The following BABAM2 variants were observed in gnomAD, a reference collection of about 807,000 sequenced individuals.
BABAM2 encodes BRISC and BRCA1-A complex member 2.
Under a neutral mutation model 54.7 loss-of-function variants are expected in BABAM2, and 31 were observed. The observed-to-expected ratio is 0.57, with a 90% CI of 0.43 to 0.77. The LOEUF is 0.77. BABAM2 is among the 30% of genes least tolerant of loss of function. The pLI is 0.00. For missense variants in BABAM2, 364 were observed against 455.8 expected (o/e 0.80, Z 1.83); for synonymous variants, 167 against 162.9 (o/e 1.03, Z -0.19).
chr2:28,216,755 A>G (rs541657352), intron 7 of BABAM2, among the ~76,000 whole-genome samples: 8 of 151,898 alleles, frequency 5.3e-5, no homozygotes, highest in Non-Finnish European at 1.2e-4. Context: ...CAGTTATAAA[A>G]CCCTATCGTG....
At chr2:27,892,743 G>A (rs951185596) in intron 1 of BABAM2, among the ~76,000 whole-genome samples, 2 of 152,232 alleles carry the variant, frequency 1.3e-5, no homozygotes, top group Admixed American at 1.3e-4. Flanking sequence ...GTTTAAAAAA[G>A]TACATGATTT....
intron 4 of BABAM2, among the ~76,000 whole-genome samples, 169 bp from the exon 5 acceptor site, chr2:28,025,057 T>A (rs554732007): frequency 6.6e-6 from 1 of 152,200 alleles, no homozygotes. Flanking sequence ...AAATTGCCAA[T>A]ATCAAAAGAT....
chr2:28,331,550 A>G (rs539599565), intron 11 of BABAM2, among the ~76,000 whole-genome samples: 1 of 152,386 alleles, frequency 6.6e-6, no homozygotes, highest in East Asian at 1.9e-4. Context: ...TATGCAGCCA[A>G]GAAATATATG....
intron 5 of BABAM2, among the ~76,000 whole-genome samples, chr2:28,035,106 T>C (rs1264055505): frequency 6.6e-6 from 1 of 152,210 alleles, no homozygotes; most frequent in African/African-American, 2.4e-5. Flanking sequence ...GTTGATTGCA[T>C]GTGGAAATGC....
chr2:27,920,700 C>T (rs927276432), intron 2 of BABAM2, among the ~76,000 whole-genome samples: 1 of 152,130 alleles, frequency 6.6e-6, no homozygotes, highest in Non-Finnish European at 1.5e-5. Context: ...CTATGTAGGA[C>T]ACATGCCAAA....
intron 4 of BABAM2, among the ~76,000 whole-genome samples, chr2:28,018,221 C>A (rs946939425): frequency 6.6e-6 from 1 of 152,192 alleles, no homozygotes; most frequent in Non-Finnish European, 1.5e-5. Context: ...TTTGTGTCCT[C>A]GTAGCTTAGC....
chr2:28,115,727 C>T (rs1485521322), intron 6 of BABAM2, among the ~76,000 whole-genome samples: 1 of 151,868 alleles, frequency 6.6e-6, no homozygotes, highest in Non-Finnish European at 1.5e-5. Context: ...AGAAGGCGTC[C>T]AGGATTGAGT....
chr2:28,249,177 A>C (rs1049425202), intron 10 of BABAM2, among the ~76,000 whole-genome samples: 1 of 145,320 alleles, frequency 6.9e-6, no homozygotes, highest in East Asian at 2.0e-4. Flanking sequence ...AGCCTCCGCC[A>C]CCTTGAGTTC....
chr2:27,890,502 A>C (rs771142173), upstream of BABAM2: 9 of 634,070 alleles, frequency 1.4e-5, no homozygotes, highest in African/African-American at 3.7e-5. This position sits in a 1 kb window ranked among gnomAD's most constrained non-coding sequence, Gnocchi z 4.8. Context: ...CCGCCCACCA[A>C]GTGTCCCCTC....
Position 28,042,806 on chromosome 2 carries a change from C to T in BABAM2, c.496-2919C>T, listed in dbSNP as rs905701946. Among the ~76,000 whole-genome samples the T allele has an allele frequency of 2.6e-5, 4 of 152,078 alleles. No homozygotes were observed. The East Asian group carries it at 5.9e-4, about 22-fold the overall frequency. Reference sequence around the variant, plus strand: ...TTATAAGGCCGAGATGGGCCGATCACGAGGTCAGGAGATAAAGACCATCCT... The same window carrying T: ...TTATAAGGCCGAGATGGGCCGATCATGAGGTCAGGAGATAAAGACCATCCT... On this transcript the variant is annotated intron_variant, in intron 5 of 11. Coordinates refer to ENST00000379624, the MANE Select transcript of BABAM2 (RefSeq NM_199191.3).
intron 7 of BABAM2, among the ~76,000 whole-genome samples, chr2:28,216,853 C>T (rs11694031): frequency 0.21 from 31,708 of 152,106 alleles, 3,598 homozygotes; most frequent in African/African-American, 0.3. Flanking sequence ...CCCACCTCCC[C>T]GATACCCACC....
intron 2 of BABAM2, among the ~76,000 whole-genome samples, chr2:27,900,542 G>A (rs112116244): frequency 0.011 from 1,600 of 152,084 alleles, 22 homozygotes; most frequent in African/African-American, 0.037. Context: ...ATCTATCTTC[G>A]TACTTTTCAC....
chr2:27,939,969 CT>C (rs1553395984), intron 3 of BABAM2, among the ~76,000 whole-genome samples: 2 of 152,158 alleles, frequency 1.3e-5, no homozygotes, highest in Non-Finnish European at 2.9e-5. Flanking sequence ...AGGTCTTTTA[CT>C]GTGAAGAGAC....
At chr2:28,128,076 T>G (rs1669723623) in intron 6 of BABAM2, among the ~76,000 whole-genome samples, 1 of 152,098 alleles carries the variant, frequency 6.6e-6, no homozygotes. Context: ...CCTCCCAAAG[T>G]GCTGGGATTA....
At chr2:28,057,567 C>A (rs1678529872) in intron 6 of BABAM2, among the ~76,000 whole-genome samples, 1 of 152,058 alleles carries the variant, frequency 6.6e-6, no homozygotes, top group Non-Finnish European at 1.5e-5. Flanking sequence ...AAAGGTGCCA[C>A]CTGGCACCTG....
At chr2:28,298,143 A>T (rs1034901064) in intron 10 of BABAM2, among the ~76,000 whole-genome samples, 195 bp from the exon 11 acceptor site, 4 of 152,174 alleles carry the variant, frequency 2.6e-5, no homozygotes, top group African/African-American at 9.7e-5. Flanking sequence ...CCTCTAGATT[A>T]TAAACTCCTC....
At chr2:28,142,403 GC>G (rs1489958112) in intron 7 of BABAM2, among the ~76,000 whole-genome samples, 1 of 152,044 alleles carries the variant, frequency 6.6e-6, no homozygotes, top group Non-Finnish European at 1.5e-5. Flanking sequence ...TTTTGAAAAA[GC>G]CTGAAATCTA....
At chr2:28,335,265 G>T (rs530340862) in intron 11 of BABAM2, among the ~76,000 whole-genome samples, 11 of 148,358 alleles carry the variant, frequency 7.4e-5, no homozygotes, top group African/African-American at 2.2e-4. Flanking sequence ...CGCCTCCCGG[G>T]TTCAAGCGAT....
chr2:27,923,416 C>T (rs140257911), intron 2 of BABAM2, among the ~76,000 whole-genome samples: 67 of 150,224 alleles, frequency 4.5e-4, no homozygotes, highest in African/African-American at 1.4e-3. Flanking sequence ...GTCAGGAATT[C>T]GAGACCAGCC....
Sources: allele counts gnomAD v4.1 joint callset (sites outside exome capture counted in the v4.1 genomes callset), GRCh38; gene constraint gnomAD v4.1.1; non-coding constraint Gnocchi (gnomAD v3.1); transcripts MANE v1.5; gene names NCBI Gene and HGNC (gene_info 2026-07-23, HGNC 2026-07-21).